Variants in STXBP5L observed in about 807,000 individuals in gnomAD.
STXBP5L encodes the protein syntaxin binding protein 5L.
In STXBP5L, 65 loss-of-function variants were observed where a neutral mutation model predicts 144.5. The observed-to-expected ratio is 0.45, with a 90% CI of 0.37 to 0.55. STXBP5L has a LOEUF of 0.55. Among genes scored for constraint, STXBP5L ranks in the 20% least tolerant of loss-of-function variants. The pLI is 0.00. For synonymous variants in STXBP5L, 505 were observed against 469.6 expected (o/e 1.08, Z -0.97); for missense variants, 1,298 against 1,405.5 (o/e 0.92, Z 1.22).
intron 22 of STXBP5L, among the ~76,000 whole-genome samples, chr3:121,387,868 T>C (rs1241677489): frequency 1.3e-5 from 2 of 152,212 alleles, no homozygotes; most frequent in South Asian, 4.1e-4. Flanking sequence ...TTGCTTAGGA[T>C]TGTCTTGGCG....
intron 20 of STXBP5L, among the ~76,000 whole-genome samples, chr3:121,324,244 A>T (rs990229472): frequency 3.9e-5 from 6 of 152,134 alleles, no homozygotes; most frequent in African/African-American, 1.4e-4. Flanking sequence ...TTGGTCTTAC[A>T]GCCTAGTTTG....
intron 3 of STXBP5L, among the ~76,000 whole-genome samples, chr3:121,031,749 C>T (rs1265505757): frequency 6.6e-6 from 1 of 152,112 alleles, no homozygotes; most frequent in Non-Finnish European, 1.5e-5. Context: ...TTAACCACTA[C>T]ACAAGGAGAC....
intron 3 of STXBP5L, among the ~76,000 whole-genome samples, chr3:121,019,747 T>A (rs893483518): frequency 2.0e-5 from 3 of 152,098 alleles, no homozygotes; most frequent in Non-Finnish European, 4.4e-5. Context: ...AAGGGATCAC[T>A]CCATGGGACA....
Position 121,233,290 on chromosome 3 carries a change from T to C in STXBP5L, c.1112-326T>C, listed in dbSNP as rs544857998. Among the ~76,000 whole-genome samples the C allele has an allele frequency of 1.1e-3, 163 of 152,302 alleles. 1 individual carries two copies. The highest frequency in any genetic ancestry group is 3.1e-3 in the African/African-American group (128 of 41,580). On this transcript the variant is annotated intron_variant, in intron 11 of 26. Coordinates refer to ENST00000471454, the MANE Select transcript of STXBP5L (RefSeq NM_001308330.2). Reference sequence around the variant, plus strand: ...AATCAGATCTAAAATACAAAGGTTATGGAAGAATAAGATAAATGTTTGTGA... The same window carrying C: ...AATCAGATCTAAAATACAAAGGTTACGGAAGAATAAGATAAATGTTTGTGA...
intron 9 of STXBP5L, among the ~76,000 whole-genome samples, chr3:121,188,638 G>C (rs576618550): frequency 6.6e-6 from 1 of 152,314 alleles, no homozygotes; most frequent in Admixed American, 6.5e-5. Flanking sequence ...TCCCTGGGAT[G>C]CAAGGCTGGT....
intron 10 of STXBP5L, among the ~76,000 whole-genome samples, chr3:121,206,745 T>C (rs1213019194): frequency 6.6e-6 from 1 of 152,032 alleles, no homozygotes; most frequent in Non-Finnish European, 1.5e-5. Flanking sequence ...GCCCAGGAGG[T>C]GGAGGTTGCA....
At position 120,967,538 on chromosome 3, in the gene STXBP5L, G is replaced by A. The variant is rs72966752; in HGVS notation, c.287+12501G>A. 2.6e-3 allele frequency among the ~76,000 whole-genome samples: 391 copies of A among 152,088 alleles called. 2 individuals are homozygous for A. Among genetic ancestry groups the A allele is most frequent in the African/African-American group, 8.8e-3 (366 of 41,508 alleles). ...ACTCTAGCTAAAGGTTTTCAATTTC[G>A]TTTATTTTTTCAAAACATCATTTTT... On this transcript the variant is annotated intron_variant, in intron 3 of 26. Coordinates refer to ENST00000471454, the MANE Select transcript of STXBP5L (RefSeq NM_001308330.2).
intron 7 of STXBP5L, among the ~76,000 whole-genome samples, chr3:121,131,975 T>C (rs976121359): frequency 7.9e-5 from 12 of 152,268 alleles, no homozygotes; most frequent in African/African-American, 2.6e-4. Context: ...TGCAGTGCCA[T>C]ATGGTCAAGG....
chr3:121,014,475 A>T (rs1056448867), intron 3 of STXBP5L, among the ~76,000 whole-genome samples: 1 of 151,974 alleles, frequency 6.6e-6, no homozygotes, highest in African/African-American at 2.4e-5. Flanking sequence ...GTAGTTCAAG[A>T]CTTATTTATC....
intron 9 of STXBP5L, among the ~76,000 whole-genome samples, chr3:121,194,509 C>A (rs970247928): frequency 6.6e-6 from 1 of 151,046 alleles, no homozygotes; most frequent in African/African-American, 2.4e-5. Flanking sequence ...CACTCCCTGC[C>A]TTGAAAAAAA....
chr3:121,157,234 G>T (rs1466408754), intron 8 of STXBP5L, among the ~76,000 whole-genome samples: 1 of 152,008 alleles, frequency 6.6e-6, no homozygotes, highest in African/African-American at 2.4e-5. Context: ...ATGAAATAAT[G>T]TGTATAAAAT....
At chr3:121,227,303 A>G (rs1234857826) in intron 11 of STXBP5L, among the ~76,000 whole-genome samples, 1 of 152,188 alleles carries the variant, frequency 6.6e-6, no homozygotes, top group Admixed American at 6.6e-5. Flanking sequence ...TTGGTTGGCC[A>G]GGTGCAGTGG....
chr3:121,057,467 T>C (rs1189789668), intron 5 of STXBP5L, among the ~76,000 whole-genome samples: 2 of 152,076 alleles, frequency 1.3e-5, no homozygotes, highest in East Asian at 1.9e-4. Flanking sequence ...ACTAGATTCA[T>C]AGAAACTCCC....
chr3:121,063,497 G>A (rs2041388001), intron 5 of STXBP5L, among the ~76,000 whole-genome samples: 1 of 152,246 alleles, frequency 6.6e-6, no homozygotes, highest in Non-Finnish European at 1.5e-5. Flanking sequence ...TGAGGAGGCA[G>A]TCTGTCCCTT....
chr3:121,412,388 C>A (rs2108749663), intron 23 of STXBP5L, among the ~76,000 whole-genome samples: 1 of 152,220 alleles, frequency 6.6e-6, no homozygotes, highest in Admixed American at 6.5e-5. Context: ...TAATTGACCT[C>A]TAGGCACCCA....
At chr3:120,953,287 C>T (rs930282765) in intron 2 of STXBP5L, among the ~76,000 whole-genome samples, 1 of 150,488 alleles carries the variant, frequency 6.6e-6, no homozygotes, top group African/African-American at 2.4e-5. Flanking sequence ...TAATTTTTTG[C>T]CAGTAGCTCC....
intron 5 of STXBP5L, among the ~76,000 whole-genome samples, chr3:121,059,452 G>A (rs763751530): frequency 1.3e-5 from 2 of 152,122 alleles, no homozygotes; most frequent in Non-Finnish European, 2.9e-5. Flanking sequence ...TCGTGGCTAT[G>A]TGGGTTCTTG....
intron 5 of STXBP5L, among the ~76,000 whole-genome samples, chr3:121,069,104 A>G (rs996610653): frequency 1.3e-5 from 2 of 152,134 alleles, no homozygotes; most frequent in African/African-American, 4.8e-5. Flanking sequence ...TGGTTCTATC[A>G]CCACAAAGAT....
At chr3:121,362,517 C>T (rs2045741661) in intron 20 of STXBP5L, among the ~76,000 whole-genome samples, 1 of 152,020 alleles carries the variant, frequency 6.6e-6, no homozygotes, top group Admixed American at 6.6e-5. Context: ...CCGCCACCAC[C>T]CCAGGCCATG....
Sources: gnomAD v4.1 joint callset for allele counts (sites outside exome capture counted in the v4.1 genomes callset) on GRCh38, gnomAD v4.1.1 for gene constraint, MANE v1.5 for transcripts, NCBI Gene and HGNC (gene_info 2026-07-23, HGNC 2026-07-21) for gene names.